Variants in FRMD4A observed in about 807,000 individuals in gnomAD.
The protein encoded by FRMD4A is FERM domain-containing protein 4A.
FRMD4A carries 29 observed loss-of-function variants against 129.1 expected under a neutral mutation model. That is an observed-to-expected ratio of 0.22 (90% CI 0.17 to 0.31). FRMD4A has a LOEUF of 0.31. Among genes scored for constraint, FRMD4A ranks in the 10% least tolerant of loss-of-function variants. FRMD4A has a pLI of 1.00. For synonymous variants in FRMD4A, 634 were observed against 571.6 expected (o/e 1.11, Z -1.56); for missense variants, 1,272 against 1,375.8 (o/e 0.92, Z 1.19).
rs138539681 is a variant in FRMD4A, at chr10:14,179,975, G to A, written c.45+150083C>T. Reference sequence around the variant, plus strand: ...CTTGAATCCAGGAGGCGGAGGTTGCGGTGAGCTGAGATTGTGCCACTGCAC... The same window carrying A: ...CTTGAATCCAGGAGGCGGAGGTTGCAGTGAGCTGAGATTGTGCCACTGCAC... On this transcript the variant is annotated intron_variant, in intron 2 of 24. Coordinates refer to ENST00000357447, the MANE Select transcript of FRMD4A (RefSeq NM_018027.5). 1.3e-4 allele frequency among the ~76,000 whole-genome samples: 20 copies of A among 152,184 alleles called. 2 individuals carry two copies. Among genetic ancestry groups the A allele is most frequent in the African/African-American group, 3.9e-4 (16 of 41,526 alleles).
chr10:14,049,794 G>T (rs1044153960), intron 2 of FRMD4A, among the ~76,000 whole-genome samples: 2 of 152,182 alleles, frequency 1.3e-5, no homozygotes, highest in Non-Finnish European at 2.9e-5. Flanking sequence ...GGCAGAGGTT[G>T]CAGTGAGCCA....
intron 17 of FRMD4A, among the ~76,000 whole-genome samples, chr10:13,669,071 T>TTG (rs2083299687): frequency 2.0e-5 from 3 of 147,390 alleles, no homozygotes; most frequent in Non-Finnish European, 4.5e-5. Flanking sequence ...TTTTTTTTTT[T>TTG]TTTTTTTTTT....
At chr10:14,243,945 ATCT>A (rs1213678478) in intron 2 of FRMD4A, among the ~76,000 whole-genome samples, 2 of 152,120 alleles carry the variant, frequency 1.3e-5, no homozygotes, top group Non-Finnish European at 2.9e-5. Flanking sequence ...GATCATCAGT[ATCT>A]TCTTCTCAAC....
At chr10:14,000,667 A>AAAAAAAAAAAAAAAAAAAAC (rs200369296) in intron 2 of FRMD4A, among the ~76,000 whole-genome samples, 1 of 106,826 alleles carries the variant, frequency 9.4e-6, no homozygotes, top group East Asian at 3.1e-4. Flanking sequence ...AAAAAAAAAA[A>AAAAAAAAAAAAAAAAAAAAC]AGAGAAGAAA....
At chr10:14,212,174 T>C (rs1416019664) in intron 2 of FRMD4A, among the ~76,000 whole-genome samples, 5 of 152,200 alleles carry the variant, frequency 3.3e-5, no homozygotes, top group Admixed American at 2.0e-4. Context: ...ACCTTCCCTA[T>C]GGGATCCCCA....
chr10:13,972,459 T>C (rs1319800308), intron 2 of FRMD4A: 1 of 231,344 alleles, frequency 4.3e-6, no homozygotes, highest in Non-Finnish European at 7.1e-6. Flanking sequence ...CTGGAAAGAA[T>C]ACTTATCTGA....
chr10:14,211,251 T>G (rs1010892471), intron 2 of FRMD4A, among the ~76,000 whole-genome samples: 1 of 152,320 alleles, frequency 6.6e-6, no homozygotes, highest in East Asian at 1.9e-4. Flanking sequence ...CACTTAATCC[T>G]CTCAAAAACC....
intron 12 of FRMD4A, among the ~76,000 whole-genome samples, chr10:13,717,445 C>G (rs1203861971): frequency 2.6e-5 from 4 of 152,098 alleles, no homozygotes; most frequent in African/African-American, 9.7e-5. Flanking sequence ...TCCCGAATAG[C>G]TGAGATTACA....
At chr10:13,781,741 T>C (rs1360120689) in intron 6 of FRMD4A, among the ~76,000 whole-genome samples, 2 of 152,130 alleles carry the variant, frequency 1.3e-5, no homozygotes, top group Non-Finnish European at 2.9e-5. Context: ...AGGACAAATA[T>C]ATATGATTCC....
At chr10:13,908,220 A>G (rs1234549892) in intron 2 of FRMD4A, among the ~76,000 whole-genome samples, 4 of 151,428 alleles carry the variant, frequency 2.6e-5, no homozygotes, top group Non-Finnish European at 5.9e-5. Flanking sequence ...CTGCTATGTA[A>G]CTACCATTAA....
intron 2 of FRMD4A, among the ~76,000 whole-genome samples, chr10:14,135,506 T>C (rs1484988995): frequency 6.6e-6 from 1 of 152,248 alleles, no homozygotes; most frequent in Admixed American, 6.5e-5. Context: ...GAATCTGCTG[T>C]GATTCTGGGG....
intron 2 of FRMD4A, among the ~76,000 whole-genome samples, chr10:14,023,524 T>C (rs889760539): frequency 6.6e-6 from 1 of 152,162 alleles, no homozygotes; most frequent in Non-Finnish European, 1.5e-5. Context: ...GGCAGCGCAG[T>C]GTTGTTCTTG....
intron 2 of FRMD4A, among the ~76,000 whole-genome samples, chr10:14,185,535 A>T (rs372467616): frequency 6.6e-6 from 1 of 151,430 alleles, no homozygotes; most frequent in African/African-American, 2.5e-5. Context: ...AGAACTATGG[A>T]AACTTGAAAC....
At chr10:13,834,293 A>C (rs1189729557) in intron 3 of FRMD4A, among the ~76,000 whole-genome samples, 1 of 152,056 alleles carries the variant, frequency 6.6e-6, no homozygotes, top group Non-Finnish European at 1.5e-5. Context: ...AAAACAAAAC[A>C]AAAACCACCA....
chr10:13,996,557 G>T (rs946193889), intron 2 of FRMD4A, among the ~76,000 whole-genome samples: 2 of 152,200 alleles, frequency 1.3e-5, no homozygotes, highest in African/African-American at 4.8e-5. Context: ...TGAATTTCAT[G>T]TGTCAGGGGT....
intron 15 of FRMD4A, chr10:13,693,679 C>T: frequency 1.5e-6 from 1 of 679,434 alleles, no homozygotes; most frequent in Non-Finnish European, 2.6e-6. Flanking sequence ...CGTGGTTCTA[C>T]TGATGCTTTT....
At chr10:13,686,086 T>G (rs1400670318) in intron 15 of FRMD4A, among the ~76,000 whole-genome samples, 1 of 152,060 alleles carries the variant, frequency 6.6e-6, no homozygotes, top group Non-Finnish European at 1.5e-5. Flanking sequence ...CGGTCCAGCA[T>G]AAACAAACCC....
intron 3 of FRMD4A, among the ~76,000 whole-genome samples, chr10:13,818,794 A>G (rs889256877): frequency 6.6e-6 from 1 of 152,196 alleles, no homozygotes; most frequent in Non-Finnish European, 1.5e-5. Flanking sequence ...CGTTACTTGT[A>G]TTCATTATTT....
intron 2 of FRMD4A, among the ~76,000 whole-genome samples, chr10:14,316,291 C>A (rs1846735376): frequency 6.6e-6 from 1 of 151,958 alleles, no homozygotes; most frequent in Non-Finnish European, 1.5e-5. Flanking sequence ...CATAAAGATT[C>A]CACCTTCATG....
Sources: gnomAD v4.1 joint callset for allele counts (sites outside exome capture counted in the v4.1 genomes callset) on GRCh38, gnomAD v4.1.1 for gene constraint, MANE v1.5 for transcripts, NCBI Gene and HGNC (gene_info 2026-07-23, HGNC 2026-07-21) for gene names.